Variants in DYNC2I1 observed in about 807,000 individuals in gnomAD.
DYNC2I1 encodes the protein cytoplasmic dynein 2 intermediate chain 1.
Under a neutral mutation model 133.4 loss-of-function variants are expected in DYNC2I1, and 89 were observed. The observed-to-expected ratio is 0.67, with a 90% confidence interval of 0.56 to 0.80. The LOEUF (loss-of-function observed/expected upper bound fraction) is 0.80. Ranked by LOEUF, DYNC2I1 falls within the 30% of genes least tolerant of loss-of-function variation. DYNC2I1 has a pLI of 0.00. For synonymous variants in DYNC2I1, 504 were observed against 484.3 expected (o/e 1.04, Z -0.54); for missense variants, 1,291 against 1,314.5 (o/e 0.98, Z 0.28).
intron 5 of DYNC2I1, among the ~76,000 whole-genome samples, chr7:158,884,012 C>A (rs1401822552): frequency 6.7e-6 from 1 of 148,676 alleles, no homozygotes; most frequent in South Asian, 2.1e-4. Context: ...TCGTTGTTAT[C>A]CTATCTGCCA....
At chr7:158,937,694 C>T (rs1850904780) in intron 23 of DYNC2I1, among the ~76,000 whole-genome samples, 1 of 149,446 alleles carries the variant, frequency 6.7e-6, no homozygotes, top group East Asian at 2.0e-4. Context: ...GAGGCCAAGG[C>T]AGGAGGATCT....
rs1400026745 is a variant in DYNC2I1 at position 158,874,719 on chromosome 7, A to T, written c.491-1890A>T. Among the ~76,000 whole-genome samples, 3 of 152,170 alleles carry T rather than the reference A, an allele frequency of 2.0e-5. No individual in the cohort carries two copies. In the East Asian group the frequency reaches 5.8e-4, roughly 29 times the overall value. On this transcript the variant is annotated intron_variant, in intron 3 of 24. Coordinates refer to ENST00000407559, the MANE Select transcript of DYNC2I1 (RefSeq NM_018051.5). ...GCCCTTGCTGGCTGGATCTAGTCTC[A>T]TGGTTTTAAATACTGTTTGTCTGTG...
rs759925860 is a variant in DYNC2I1, at chr7:158,926,482, C to T, written c.2433+19C>T. Reference sequence around the variant, plus strand: ...TGTATGGGTGAGTAGTGGCCCAGGCCGGGCACATGCGGGGCCTGAGTGAGG... The same window carrying T: ...TGTATGGGTGAGTAGTGGCCCAGGCTGGGCACATGCGGGGCCTGAGTGAGG... On this transcript the variant is annotated intron_variant, in intron 19 of 24. Coordinates refer to ENST00000407559, the MANE Select transcript of DYNC2I1 (RefSeq NM_018051.5). The T allele has an allele frequency of 5.3e-5, 85 of 1,608,918 alleles. No homozygotes were observed. The highest frequency in any genetic ancestry group is 3.0e-4 in the Admixed American group (18 of 59,290).
intron 1 of DYNC2I1, among the ~76,000 whole-genome samples, chr7:158,864,123 G>C (rs76778395): frequency 6.6e-5 from 10 of 150,690 alleles, no homozygotes; most frequent in African/African-American, 9.7e-5. Flanking sequence ...CCGGGTGTGG[G>C]GGGGGGAGCA....
chr7:158,894,149 A>ATATCCTACCG (rs1321459064), intron 8 of DYNC2I1, among the ~76,000 whole-genome samples: 53 of 3,070 alleles, frequency 0.017, 1 homozygote, highest in African/African-American at 0.045. Context: ...ATATCCTACC[A>ATATCCTACCG]CATATCGTAC....
At position 158,887,487 on chromosome 7, in the gene DYNC2I1, T is replaced by C. The variant is rs79463781; in HGVS notation, c.990+412T>C. ...ACACAAGCAGCAAAAACTGACAGAATTGAAGGGAGAAAGAGACAATTAATA... is the reference window on the plus strand; with the variant it reads ...ACACAAGCAGCAAAAACTGACAGAACTGAAGGGAGAAAGAGACAATTAATA... On this transcript the variant is annotated intron_variant, in intron 7 of 24. Transcript: ENST00000407559. 6.2e-3 allele frequency among the ~76,000 whole-genome samples: 944 copies of C among 152,216 alleles called. 62 individuals are homozygous for C. In the East Asian group the frequency reaches 0.13, roughly 21 times the overall value.
At chr7:158,924,200 G>A (rs779410703) in intron 17 of DYNC2I1, among the ~76,000 whole-genome samples, 5 of 152,222 alleles carry the variant, frequency 3.3e-5, no homozygotes, top group Non-Finnish European at 5.9e-5. Flanking sequence ...TGTTCCCTGT[G>A]TTCTGGGACT....
rs781736999 is a variant in DYNC2I1, at chr7:158,942,013, C to G, written c.2867C>G (p.Ala956Gly). 1 of 1,613,396 alleles carries G rather than the reference C, an allele frequency of 6.2e-7. No homozygotes were observed. ...TGGGACAGCAGCACGGACAGCCATG[C>G]GGTCACCGGCCTGCAGTGGTCCCCA... is the stretch of plus-strand genomic sequence containing the variant. ...LQWDSSTDSH[A>G]VTGLQWSPTR... The change falls in exon 24 of 25, where the codon GCG becomes GGG. Residue 956 changes from alanine (A) to glycine (G), a missense_variant. Physicochemically the swap from Ala to Gly is moderately conservative, Grantham distance 60. Transcript: ENST00000407559.
chr7:158,859,462 T>C (rs1030975281), intron 1 of DYNC2I1, among the ~76,000 whole-genome samples: 3 of 152,198 alleles, frequency 2.0e-5, no homozygotes, highest in Admixed American at 6.5e-5. Context: ...TTTTGACATT[T>C]GACTGTCCCT....
rs553863535 is a variant in DYNC2I1 at position 158,923,092 on chromosome 7, C to T, written c.2095-479C>T. On this transcript the variant is annotated intron_variant, in intron 16 of 24. Coordinates refer to ENST00000407559, the MANE Select transcript of DYNC2I1 (RefSeq NM_018051.5). ...AGGACTGTGCGGTGAGGGGTCAGGG[C>T]TGCCTCTCTTATGTTTGGGAAAATG... Among the ~76,000 whole-genome samples the T allele has an allele frequency of 2.4e-4, 36 of 152,288 alleles. No individual in the cohort carries two copies. The South Asian group carries it at 7.0e-3, about 30-fold the overall frequency.
intron 11 of DYNC2I1, among the ~76,000 whole-genome samples, chr7:158,910,292 C>T (rs571377398): frequency 7.2e-5 from 11 of 152,164 alleles, no homozygotes; most frequent in African/African-American, 2.7e-4. Context: ...TCGGCCGTGT[C>T]AGGCCTGTGG....
At chr7:158,863,348 G>T (rs1842046780) in intron 1 of DYNC2I1, among the ~76,000 whole-genome samples, 1 of 152,220 alleles carries the variant, frequency 6.6e-6, no homozygotes, top group African/African-American at 2.4e-5. Flanking sequence ...CCTGATTGGT[G>T]TGTTTACAGT....
chr7:158,866,742 G>A (rs561206165), intron 1 of DYNC2I1, among the ~76,000 whole-genome samples: 22 of 152,094 alleles, frequency 1.4e-4, no homozygotes, highest in African/African-American at 4.1e-4. Context: ...AAACTTAGCC[G>A]GGCGTGGTGG....
intron 6 of DYNC2I1, 49 bp downstream of exon 6, chr7:158,884,668 G>GGAAT: frequency 6.3e-7 from 1 of 1,595,248 alleles, no homozygotes; most frequent in South Asian, 1.1e-5. Flanking sequence ...CCGCTCTCAT[G>GGAAT]GAATGCTTCA....
chr7:158,856,070 T>C (rs60600519), upstream of DYNC2I1, among the ~76,000 whole-genome samples: 9,570 of 150,866 alleles, frequency 0.063, 396 homozygotes, highest in African/African-American at 0.11. Context: ...GCCTCCCGAG[T>C]AGCTGGGACT....
chr7:158,957,534 G>A (rs1001958377), downstream of DYNC2I1, among the ~76,000 whole-genome samples: 5 of 152,228 alleles, frequency 3.3e-5, no homozygotes, highest in Non-Finnish European at 5.9e-5. Context: ...GGTCCCCAGC[G>A]CGGGCTCTAC....
chr7:158,927,521 CAATT>C (rs1849749117), intron 20 of DYNC2I1, among the ~76,000 whole-genome samples: 1 of 151,028 alleles, frequency 6.6e-6, no homozygotes, highest in Non-Finnish European at 1.5e-5. Context: ...ACGGGCATCT[CAATT>C]AACTAGAATA....
intron 1 of DYNC2I1, among the ~76,000 whole-genome samples, chr7:158,866,498 G>T (rs1035855298): frequency 1.3e-5 from 2 of 151,910 alleles, no homozygotes; most frequent in Non-Finnish European, 2.9e-5. Flanking sequence ...AGTATCCTGG[G>T]CGTCCCCTCT....
At chr7:158,882,233 T>G (rs1437819147) in intron 5 of DYNC2I1, among the ~76,000 whole-genome samples, 1 of 152,146 alleles carries the variant, frequency 6.6e-6, no homozygotes, top group Non-Finnish European at 1.5e-5. Flanking sequence ...TTACTGTTCT[T>G]ATGGTGCTTA....
Sources: gnomAD v4.1 joint callset for allele counts (sites outside exome capture counted in the v4.1 genomes callset) on GRCh38, gnomAD v4.1.1 for gene constraint, MANE v1.5 for transcripts, NCBI Gene and HGNC (gene_info 2026-07-23, HGNC 2026-07-21) for gene names.